The following TRPM6 variants were observed in gnomAD, a reference collection of about 807,000 sequenced individuals.
TRPM6 encodes channel kinase 2.
TRPM6 carries 111 observed loss-of-function variants against 247.6 expected under a neutral mutation model. The ratio of observed to expected loss-of-function variants is 0.45; its 90% CI spans 0.38 to 0.52. The LOEUF is 0.52. Among genes scored for constraint, TRPM6 ranks in the 20% least tolerant of loss-of-function variants. The probability of loss-of-function intolerance (pLI) is 0.00; values close to 1 mark genes in which losing one functional copy is unlikely to be tolerated. For synonymous variants in TRPM6, 892 were observed against 853.8 expected (o/e 1.04, Z -0.78); for missense variants, 2,126 against 2,421.5 (o/e 0.88, Z 2.56).
intron 31 of TRPM6, among the ~76,000 whole-genome samples, chr9:74,747,318 T>G: frequency 6.6e-6 from 1 of 151,996 alleles, no homozygotes; most frequent in East Asian, 1.9e-4. Flanking sequence ...GCAAAGGAGG[T>G]GGGGGAGTAC....
chr9:74,724,794 A>C (rs774994996), intron 38 of TRPM6, 48 bp from the exon 39 acceptor site: 5 of 1,612,380 alleles, frequency 3.1e-6, no homozygotes, highest in African/African-American at 2.7e-5. Context: ...CCAAGAACCT[A>C]CTGTTCATGA....
At chr9:74,835,427 T>G (rs1287499845) in intron 5 of TRPM6, among the ~76,000 whole-genome samples, 1 of 152,152 alleles carries the variant, frequency 6.6e-6, no homozygotes, top group African/African-American at 2.4e-5. Flanking sequence ...CACAACATCC[T>G]GCAGATATGT....
intron 3 of TRPM6, among the ~76,000 whole-genome samples, chr9:74,843,547 G>T (rs1046781440): frequency 6.6e-6 from 1 of 151,966 alleles, no homozygotes; most frequent in Non-Finnish European, 1.5e-5. Context: ...GGTGGCTCAC[G>T]CCTGTAATCC....
chr9:74,850,539 G>C (rs986439847), intron 3 of TRPM6, among the ~76,000 whole-genome samples: 1 of 152,000 alleles, frequency 6.6e-6, no homozygotes, highest in Non-Finnish European at 1.5e-5. Context: ...GGCCAACATG[G>C]TGAAACCCTG....
intron 35 of TRPM6, among the ~76,000 whole-genome samples, chr9:74,738,842 T>A (rs1825773058): frequency 6.6e-6 from 1 of 152,170 alleles, no homozygotes; most frequent in Non-Finnish European, 1.5e-5. Context: ...CTTTTATGAG[T>A]ACCAGACCCA....
chr9:74,884,753 T>C (rs1023106949), intron 1 of TRPM6, among the ~76,000 whole-genome samples: 1 of 152,318 alleles, frequency 6.6e-6, no homozygotes, highest in Middle Eastern at 3.4e-3. Flanking sequence ...TTTTCTGTGA[T>C]ACACAATCAA....
intron 3 of TRPM6, among the ~76,000 whole-genome samples, chr9:74,846,675 T>C (rs1377067776): frequency 1.9e-4 from 29 of 151,962 alleles, no homozygotes. Flanking sequence ...GCCTCCCAAG[T>C]AGCTGGGATT....
intron 7 of TRPM6, 166 bp downstream of exon 7, chr9:74,827,612 G>T: frequency 1.4e-6 from 1 of 734,112 alleles, no homozygotes. Context: ...ATACATGGAG[G>T]GAGAGAGGAG....
rs563857387 is a variant in TRPM6 at position 74,728,752 on chromosome 9, G to A, written c.5829-407C>T. On this transcript the variant is annotated intron_variant, in intron 37 of 38. Transcript: ENST00000360774. ...TAAAATACATTTGCTTTTGGGACAC[G>A]CCTTCTAAAACGATGCATAGACATT... Among the ~76,000 whole-genome samples the A allele has an allele frequency of 4.6e-5, 7 of 152,250 alleles. No individual in the cohort carries two copies. The South Asian group carries it at 6.2e-4, about 14-fold the overall frequency.
At chr9:74,783,224 A>T (rs1307129499) in intron 21 of TRPM6, among the ~76,000 whole-genome samples, 1 of 152,168 alleles carries the variant, frequency 6.6e-6, no homozygotes, top group Non-Finnish European at 1.5e-5. Context: ...AATTAGTCCA[A>T]TGGCTCCTTA....
intron 11 of TRPM6, among the ~76,000 whole-genome samples, chr9:74,812,794 G>A (rs757035709): frequency 2.0e-5 from 3 of 152,152 alleles, no homozygotes; most frequent in Non-Finnish European, 2.9e-5. Context: ...GGAGGCTGAG[G>A]TGGGAGGACC....
At chr9:74,775,429 G>C (rs1827185684) in intron 24 of TRPM6, among the ~76,000 whole-genome samples, 1 of 152,174 alleles carries the variant, frequency 6.6e-6, no homozygotes, top group Non-Finnish European at 1.5e-5. Context: ...TAGAGAACCA[G>C]AGGATCGTGA....
At chr9:74,800,615 C>A in intron 16 of TRPM6, 133 bp from the exon 17 acceptor site, 2 of 629,824 alleles carry the variant, frequency 3.2e-6, no homozygotes, top group Non-Finnish European at 5.4e-6. Flanking sequence ...CATAAGGCTT[C>A]CTTTAAAAAA....
intron 10 of TRPM6, 28 bp from the exon 11 acceptor site, chr9:74,816,797 T>G: frequency 6.2e-7 from 1 of 1,611,988 alleles, no homozygotes; most frequent in Non-Finnish European, 8.5e-7. Context: ...AACAATCATA[T>G]ATTCTTTTCA....
rs535775554 is a variant in TRPM6 at position 74,792,743 on chromosome 9, C to T, written c.2419G>A (p.Asp807Asn). The T allele has an allele frequency of 1.9e-6, 3 of 1,613,958 alleles. No homozygotes were observed. The highest frequency in any genetic ancestry group is 2.2e-5 in the South Asian group (2 of 91,078). The change falls in exon 19 of 39, where the codon GAT becomes AAT. Residue 807 changes from aspartate to asparagine, a missense_variant. By Grantham distance (23) the Asp-to-Asn change is conservative. Transcript: ENST00000360774. ...TGCTGATTTTCATCCAGTTTCTCAT[C>T]ATGGCCCCTTTCCAAATCATACTCT... is the stretch of plus-strand genomic sequence containing the variant. ...VKEYDLERGH[D>N]EKLDENQHFG... is the part of the protein sequence containing the mutation.
intron 1 of TRPM6, among the ~76,000 whole-genome samples, chr9:74,877,077 C>A (rs1333641850): frequency 1.3e-5 from 2 of 151,906 alleles, no homozygotes; most frequent in Non-Finnish European, 2.9e-5. Context: ...TCAGACAATA[C>A]AAAAAATAGG....
intron 11 of TRPM6, 117 bp from the exon 12 acceptor site, chr9:74,812,550 GCCA>G: frequency 9.8e-7 from 1 of 1,023,760 alleles, no homozygotes; most frequent in South Asian, 1.4e-5. Flanking sequence ...ATAAAATCCT[GCCA>G]TCAGTGGGTA....
intron 3 of TRPM6, among the ~76,000 whole-genome samples, chr9:74,845,309 T>C (rs1392886835): frequency 3.3e-5 from 5 of 152,166 alleles, no homozygotes; most frequent in African/African-American, 4.8e-5. Context: ...ACATGAGGTA[T>C]GCCTGTACTA....
At chr9:74,782,605 GT>G in intron 22 of TRPM6, 73 bp downstream of exon 22, 1 of 1,552,792 alleles carries the variant, frequency 6.4e-7, no homozygotes, top group Non-Finnish European at 8.9e-7. Flanking sequence ...TTAGATGATT[GT>G]TTTTCAGATG....
Sources: allele counts gnomAD v4.1 joint callset (sites outside exome capture counted in the v4.1 genomes callset), GRCh38; gene constraint gnomAD v4.1.1; transcripts MANE v1.5; gene names NCBI Gene and HGNC (gene_info 2026-07-23, HGNC 2026-07-21).